The following ADAMTS19 variants were observed in gnomAD, a reference collection of about 807,000 sequenced individuals.
The protein encoded by ADAMTS19 is ADAM metallopeptidase with thrombospondin type 1 motif 19.
Under a neutral mutation model 153.3 loss-of-function variants are expected in ADAMTS19, and 93 were observed. That is an observed-to-expected ratio of 0.61 (90% confidence interval 0.51 to 0.72). The LOEUF (loss-of-function observed/expected upper bound fraction) is 0.72. Among genes scored for constraint, ADAMTS19 ranks in the 30% least tolerant of loss-of-function variants. The probability of loss-of-function intolerance (pLI) is 0.00; values close to 1 mark genes in which losing one functional copy is unlikely to be tolerated. For synonymous variants in ADAMTS19, 600 were observed against 556.6 expected, an observed-to-expected ratio of 1.08 and a Z score of -1.10; for missense variants, 1,482 against 1,552.1, an observed-to-expected ratio of 0.95 and a Z score of 0.76.
At chr5:129,665,721 G>A (rs960688254) in intron 16 of ADAMTS19, 142 bp downstream of exon 16, 7 of 603,004 alleles carry the variant, frequency 1.2e-5, no homozygotes, top group African/African-American at 1.2e-4. Flanking sequence ...ATATCAAGTA[G>A]GAAAATTTTT....
chr5:129,632,210 G>A (rs1341007951), intron 10 of ADAMTS19, among the ~76,000 whole-genome samples: 5 of 152,074 alleles, frequency 3.3e-5, no homozygotes, highest in African/African-American at 1.2e-4. Flanking sequence ...CATCTCTAGG[G>A]ATTAAAATAT....
At chr5:129,612,477 A>G (rs1751280352) in intron 8 of ADAMTS19, among the ~76,000 whole-genome samples, 1 of 152,110 alleles carries the variant, frequency 6.6e-6, no homozygotes, top group Non-Finnish European at 1.5e-5. Context: ...ATACTTTAAG[A>G]CAAGCAAATG....
At position 129,461,438 on chromosome 5, in the gene ADAMTS19, C is replaced by G. The variant is rs944592426; in HGVS notation, c.428C>G (p.Pro143Arg). 2 of 1,424,098 alleles carry G rather than the reference C, an allele frequency of 1.4e-6. No individual in the cohort carries two copies. Among genetic ancestry groups the G allele is most frequent in the Non-Finnish European group, 1.8e-6 (2 of 1,100,232 alleles). The allele number at this position is 1,424,098 out of a possible 1,614,324, so 88.2% of individuals were successfully genotyped here. ...GCTGCCGCCTTGTCCCCGGGCGCCC[C>G]GGCCTCGTGGCAGCCGCCGCCTCCC... ...SGAAALSPGA[P>R]ASWQPPPPPQ... Residue 143 changes from proline to arginine, a missense_variant, in exon 2 of 23, where the codon CCG (proline) becomes CGG (arginine). Pro to Arg is a moderately radical substitution (Grantham distance 103). Around this residue, in one of 2 missense-constraint regions of ADAMTS19, gnomAD observed 866 missense variants for 827.7 expected, o/e 1.05. Transcript: ENST00000274487. This position sits in a 1 kb window ranked among gnomAD's most constrained non-coding sequence, Gnocchi z 4.6.
intron 2 of ADAMTS19, among the ~76,000 whole-genome samples, chr5:129,466,536 A>G (rs1339403383): frequency 6.6e-6 from 1 of 152,176 alleles, no homozygotes; most frequent in Non-Finnish European, 1.5e-5. Flanking sequence ...GTTAGAATAA[A>G]AACTCAATAG....
At chr5:129,540,042 T>C (rs1313712100) in intron 6 of ADAMTS19, among the ~76,000 whole-genome samples, 2 of 152,154 alleles carry the variant, frequency 1.3e-5, no homozygotes, top group African/African-American at 4.8e-5. Context: ...GATCAGCTAT[T>C]TAGCTTTGTA....
At chr5:129,510,557 A>G (rs1751405482) in intron 3 of ADAMTS19, among the ~76,000 whole-genome samples, 1 of 151,838 alleles carries the variant, frequency 6.6e-6, no homozygotes, top group Non-Finnish European at 1.5e-5. Context: ...TAGCATTACG[A>G]ACAAGCAAAA....
At chr5:129,654,543 T>TG in intron 14 of ADAMTS19, 110 bp downstream of exon 14, 1 of 1,244,514 alleles carries the variant, frequency 8.0e-7, no homozygotes, top group Non-Finnish European at 1.1e-6. Context: ...CAAAAGATGT[T>TG]GCTATAGTCC....
chr5:129,708,244 GGATTACAAT>G (rs1262229097), intron 21 of ADAMTS19, among the ~76,000 whole-genome samples: 1 of 152,116 alleles, frequency 6.6e-6, no homozygotes, highest in African/African-American at 2.4e-5. Flanking sequence ...TATTTCATCA[GGATTACAAT>G]GATGGCAAAA....
intron 2 of ADAMTS19, among the ~76,000 whole-genome samples, chr5:129,471,679 AT>A (rs1370055755): frequency 6.6e-6 from 1 of 151,878 alleles, no homozygotes; most frequent in African/African-American, 2.4e-5. Context: ...CCCATTAGTT[AT>A]TTTTTCTTAT....
intron 6 of ADAMTS19, among the ~76,000 whole-genome samples, chr5:129,542,298 G>A (rs571804755): frequency 6.6e-6 from 1 of 152,158 alleles, no homozygotes; most frequent in East Asian, 1.9e-4. Context: ...TCAATGTGGG[G>A]GGATAATCCT....
chr5:129,579,027 A>G (rs1749359936), intron 7 of ADAMTS19, among the ~76,000 whole-genome samples: 1 of 152,214 alleles, frequency 6.6e-6, no homozygotes. Context: ...ACTGTCTTCC[A>G]CAATGGCTGA....
intron 6 of ADAMTS19, among the ~76,000 whole-genome samples, chr5:129,531,653 C>T (rs1752210895): frequency 6.6e-6 from 1 of 151,924 alleles, no homozygotes; most frequent in Non-Finnish European, 1.5e-5. Context: ...ACAAAAAAAC[C>T]CCAAAATCTT....
chr5:129,640,622 T>C (rs1215792583), intron 10 of ADAMTS19, among the ~76,000 whole-genome samples: 2 of 152,112 alleles, frequency 1.3e-5, no homozygotes, highest in Non-Finnish European at 2.9e-5. Context: ...CTGGCTCTTC[T>C]GTCTTTTCAG....
At position 129,647,822 on chromosome 5, in the gene ADAMTS19, G is replaced by C. The variant is rs1480639715; in HGVS notation, c.1930G>C (p.Glu644Gln). 6.2e-7 allele frequency: 1 copy of C among 1,614,142 alleles called. No homozygotes were observed. The highest frequency in any genetic ancestry group is 1.7e-5 in the Admixed American group (1 of 60,020). Residue 644 changes from glutamate (E) to glutamine (Q), a missense_variant, in exon 12 of 23, where the codon GAG (glutamate) becomes CAG (glutamine). Physicochemically the swap from Glu to Gln is conservative, Grantham distance 29. Coordinates refer to ENST00000274487, the MANE Select transcript of ADAMTS19 (RefSeq NM_133638.6). ...CTCAGCACCTGAACATCTGGCCGGA[G>C]AGTGGAGCCTGTGGAGTCCTTGTAG... ...RTSAPEHLAG[E>Q]WSLWSPCSRT...
At chr5:129,554,739 T>G (rs1753253962) in intron 7 of ADAMTS19, among the ~76,000 whole-genome samples, 1 of 152,126 alleles carries the variant, frequency 6.6e-6, no homozygotes, top group African/African-American at 2.4e-5. Context: ...TTACGTTACT[T>G]GTAGCCTAAG....
rs554130473 is a variant in ADAMTS19 at position 129,715,395 on chromosome 5, C to A, written c.3312+11004C>A. 8.5e-5 allele frequency among the ~76,000 whole-genome samples: 12 copies of A among 141,222 alleles called. No homozygotes were observed. In the South Asian group the frequency reaches 1.7e-3, roughly 20 times the overall value. The allele number at this position is 141,222 out of a possible 152,430, so 92.6% of individuals were successfully genotyped here. A position where few individuals can be genotyped will look rare whatever the true frequency, so the allele number is the denominator to read the frequency against. Reference sequence around the variant, plus strand: ...TGGGACTAGAAGAGGTAAGATAGCTCAGTATATCTGGTTTGAATTCTGTAT... The same window carrying A: ...TGGGACTAGAAGAGGTAAGATAGCTAAGTATATCTGGTTTGAATTCTGTAT... On this transcript the variant is annotated intron_variant, in intron 21 of 22. Transcript: ENST00000274487.
intron 3 of ADAMTS19, among the ~76,000 whole-genome samples, chr5:129,518,262 G>A (rs1390183997): frequency 6.6e-6 from 1 of 152,040 alleles, no homozygotes; most frequent in Non-Finnish European, 1.5e-5. Context: ...AATATTCTGT[G>A]TTTTTCTGTG....
chr5:129,648,705 G>A (rs10050587), intron 12 of ADAMTS19, 93 bp from the exon 13 acceptor site: 177,867 of 941,286 alleles, frequency 0.19, 18,167 homozygotes, highest in African/African-American at 0.32. Context: ...TAATATAAGG[G>A]GTTATATATT....
chr5:129,638,732 A>G (rs1474970166), intron 10 of ADAMTS19, among the ~76,000 whole-genome samples: 1 of 152,130 alleles, frequency 6.6e-6, no homozygotes, highest in East Asian at 1.9e-4. Context: ...TAATGCAGGG[A>G]AAAGAAGGTA....
Sources: gnomAD v4.1 joint callset for allele counts (sites outside exome capture counted in the v4.1 genomes callset) on GRCh38, gnomAD v4.1.1 for gene constraint, gnomAD v4.1.1 regional missense constraint, Gnocchi (gnomAD v3.1) non-coding constraint, MANE v1.5 for transcripts, NCBI Gene and HGNC (gene_info 2026-07-23, HGNC 2026-07-21) for gene names.